PCSK5: variants seen among roughly 807,000 people sequenced by gnomAD.
PCSK5 encodes the protein proprotein convertase subtilisin/kexin type 5, also known as prohormone convertase 5.
Under a neutral mutation model 233.2 loss-of-function variants are expected in PCSK5, and 129 were observed. That is an observed-to-expected ratio of 0.55 (90% confidence interval 0.48 to 0.64). The LOEUF is 0.64. PCSK5 is among the 30% of genes least tolerant of loss of function. The pLI, the probability that PCSK5 is intolerant of heterozygous loss-of-function variation, is 0.00. For missense variants in PCSK5, 2,076 were observed against 2,430.1 expected (o/e 0.85, Z 3.06); for synonymous variants, 825 against 879.2 (o/e 0.94, Z 1.09).
At chr9:76,135,213 G>T (rs189495891) in intron 10 of PCSK5, among the ~76,000 whole-genome samples, 1 of 151,808 alleles carries the variant, frequency 6.6e-6, no homozygotes, top group Admixed American at 6.6e-5. Context: ...TATTATCTAC[G>T]TATCATATCT....
chr9:76,099,221 G>A (rs545538080), intron 8 of PCSK5, among the ~76,000 whole-genome samples: 285 of 152,248 alleles, frequency 1.9e-3, no homozygotes, highest in African/African-American at 6.7e-3. Context: ...AATTGGAGAG[G>A]AAATTTGGAA....
Position 76,332,520 on chromosome 9 carries a change from C to T in PCSK5, c.4658C>T (p.Thr1553Ile), listed in dbSNP as rs1406304653. 1.9e-6 allele frequency: 3 copies of T among 1,612,636 alleles called. No homozygotes were observed. The highest frequency in any genetic ancestry group is 1.7e-5 in the Admixed American group (1 of 60,026). Reference protein sequence around the residue: ...RCAHCHSSCRTCEGRHSRQCH... With the variant: ...RCAHCHSSCRICEGRHSRQCH... Reference sequence around the variant, plus strand: ...GCCCACTGCCACAGCTCTTGCAGGACATGTGAAGGGAGACACAGCAGGCAG... The same window carrying T: ...GCCCACTGCCACAGCTCTTGCAGGATATGTGAAGGGAGACACAGCAGGCAG... Residue 1553 changes from threonine (T) to isoleucine (I), a missense_variant, in exon 34 of 38, where the codon ACA becomes ATA. Thr to Ile is a moderately conservative substitution (Grantham distance 89, BLOSUM62 -1). Transcript: ENST00000674117.
chr9:75,931,540 T>G (rs1823799246), intron 1 of PCSK5, among the ~76,000 whole-genome samples: 1 of 152,210 alleles, frequency 6.6e-6, no homozygotes, highest in Non-Finnish European at 1.5e-5. Context: ...CAAGCTCTTC[T>G]GTCTTCAATG....
chr9:76,233,983 G>C (rs1383688675), intron 22 of PCSK5, among the ~76,000 whole-genome samples: 2 of 152,146 alleles, frequency 1.3e-5, no homozygotes. Flanking sequence ...ATGCCACTTA[G>C]AAGTTGCCAG....
intron 36 of PCSK5, 63 bp from the exon 37 acceptor site, chr9:76,353,970 G>A: frequency 8.6e-7 from 1 of 1,165,156 alleles, no homozygotes. Context: ...ATACAATCTG[G>A]GAACTCCAGT....
intron 24 of PCSK5, among the ~76,000 whole-genome samples, chr9:76,291,150 C>T (rs780984373): frequency 2.0e-5 from 3 of 152,154 alleles, no homozygotes; most frequent in East Asian, 1.9e-4. Flanking sequence ...TAGTGCAATG[C>T]ATTAGTTGTA....
At chr9:76,020,245 A>C (rs147808025) in intron 3 of PCSK5, among the ~76,000 whole-genome samples, 1 of 152,348 alleles carries the variant, frequency 6.6e-6, no homozygotes, top group Non-Finnish European at 1.5e-5. Flanking sequence ...GCCTAGTTTA[A>C]AGACCATTTC....
intron 9 of PCSK5, among the ~76,000 whole-genome samples, 196 bp from the exon 10 acceptor site, chr9:76,133,913 C>T (rs1822863755): frequency 6.6e-6 from 1 of 152,000 alleles, no homozygotes; most frequent in Admixed American, 6.6e-5. Flanking sequence ...TTTCTGCCTC[C>T]CACAGACTAA....
chr9:76,192,896 C>T (rs1006102527), intron 20 of PCSK5, among the ~76,000 whole-genome samples: 2 of 151,410 alleles, frequency 1.3e-5, no homozygotes, highest in Non-Finnish European at 2.9e-5. Flanking sequence ...GTATAAATGA[C>T]TGTATACTCT....
At chr9:75,917,664 CT>C (rs1823064476) in intron 1 of PCSK5, among the ~76,000 whole-genome samples, 2 of 152,198 alleles carry the variant, frequency 1.3e-5, no homozygotes, top group South Asian at 4.1e-4. Flanking sequence ...TAAAACCTTG[CT>C]TTACACATTG....
chr9:76,041,891 C>A (rs1454501373), intron 5 of PCSK5, among the ~76,000 whole-genome samples: 1 of 151,740 alleles, frequency 6.6e-6, no homozygotes, highest in African/African-American at 2.4e-5. Flanking sequence ...TCTTTTTAGC[C>A]TCACCCCTTA....
chr9:76,191,184 A>ATCTT (rs1447990014), intron 20 of PCSK5, among the ~76,000 whole-genome samples: 1 of 151,020 alleles, frequency 6.6e-6, no homozygotes, highest in African/African-American at 2.4e-5. Context: ...TGTTCAAAAC[A>ATCTT]TCTTTGGATT....
intron 2 of PCSK5, among the ~76,000 whole-genome samples, chr9:75,970,536 T>C (rs1470875522): frequency 6.6e-6 from 1 of 152,194 alleles, no homozygotes; most frequent in Non-Finnish European, 1.5e-5. Flanking sequence ...AGTGAGGACC[T>C]CCCAAAATTC....
At chr9:76,232,709 G>C (rs189315784) in intron 21 of PCSK5, among the ~76,000 whole-genome samples, 3 of 152,266 alleles carry the variant, frequency 2.0e-5, no homozygotes, top group Admixed American at 2.0e-4. Flanking sequence ...TTGCTCTTAC[G>C]ATTAGTTTGC....
intron 10 of PCSK5, among the ~76,000 whole-genome samples, chr9:76,148,810 C>T (rs1393002937): frequency 6.6e-6 from 1 of 152,214 alleles, no homozygotes; most frequent in African/African-American, 2.4e-5. Context: ...CCTTCTGCCT[C>T]TGATATCCCG....
chr9:76,197,810 G>A lies in PCSK5; in HGVS notation c.2626+8064G>A, dbSNP rs7046294. On this transcript the variant is annotated intron_variant, in intron 20 of 37. Transcript: ENST00000674117. Reference sequence around the variant, plus strand: ...CCTGCGCCCAATATGTGTAGAAGACGGCACAGATCTTCTTCTCTTCTCTGG... The same window carrying A: ...CCTGCGCCCAATATGTGTAGAAGACAGCACAGATCTTCTTCTCTTCTCTGG... Among the ~76,000 whole-genome samples the A allele has an allele frequency of 6.1e-3, 931 of 152,268 alleles. 14 individuals are homozygous for A. Among genetic ancestry groups the A allele is most frequent in the African/African-American group, 0.021 (871 of 41,558 alleles).
chr9:76,188,738 G>A, intron 18 of PCSK5, 63 bp downstream of exon 18: 1 of 1,224,752 alleles, frequency 8.2e-7, no homozygotes, highest in Non-Finnish European at 1.2e-6. Flanking sequence ...TTCTGGTTTG[G>A]GCCATCACTC....
intron 24 of PCSK5, among the ~76,000 whole-genome samples, chr9:76,291,824 T>G (rs765468): frequency 0.13 from 19,339 of 152,196 alleles, 3,353 homozygotes; most frequent in African/African-American, 0.39. Flanking sequence ...GCAAGATTCT[T>G]GGGTAACTGA....
At chr9:75,992,547 G>A (rs1256630778) in intron 3 of PCSK5, among the ~76,000 whole-genome samples, 1 of 151,974 alleles carries the variant, frequency 6.6e-6, no homozygotes, top group Non-Finnish European at 1.5e-5. Context: ...TGATTTTGGA[G>A]AATCCCGTAG....
Sources: allele counts gnomAD v4.1 joint callset (sites outside exome capture counted in the v4.1 genomes callset), GRCh38; gene constraint gnomAD v4.1.1; transcripts MANE v1.5; gene names NCBI Gene and HGNC (gene_info 2026-07-23, HGNC 2026-07-21).